VIPR2: variants seen among roughly 807,000 people sequenced by gnomAD.
VIPR2 encodes vasoactive intestinal peptide receptor 2.
Under a neutral mutation model 58.0 loss-of-function variants are expected in VIPR2, and 48 were observed. The observed-to-expected ratio is 0.83, with a 90% CI of 0.66 to 1.05. The LOEUF (loss-of-function observed/expected upper bound fraction) is 1.05. VIPR2 is among the 50% of genes least tolerant of loss of function. VIPR2 has a pLI of 0.00. For synonymous variants in VIPR2, 243 were observed against 235.2 expected, an observed-to-expected ratio of 1.03 and a Z score of -0.30; for missense variants, 534 against 558.0, an observed-to-expected ratio of 0.96 and a Z score of 0.43.
chr7:159,040,447 C>A lies in VIPR2; in HGVS notation c.597+2588G>T, dbSNP rs558199760. Among the ~76,000 whole-genome samples, 23 of 152,352 alleles carry A rather than the reference C, an allele frequency of 1.5e-4. 3 individuals are homozygous for A. The South Asian group carries it at 4.6e-3, about 30-fold the overall frequency. Reference sequence around the variant, plus strand: ...TGTGCTTCTGGGAGTCCCACAGACCCCGCAGGGGAACCTGCTGTGGCTGAT... The same window carrying A: ...TGTGCTTCTGGGAGTCCCACAGACCACGCAGGGGAACCTGCTGTGGCTGAT... On this transcript the variant is annotated intron_variant, in intron 6 of 12. Coordinates refer to ENST00000262178, the MANE Select transcript of VIPR2 (RefSeq NM_003382.5).
At chr7:159,070,851 A>G (rs1325365702) in intron 4 of VIPR2, among the ~76,000 whole-genome samples, 2 of 152,216 alleles carry the variant, frequency 1.3e-5, no homozygotes, top group Non-Finnish European at 2.9e-5. Flanking sequence ...AAATGCCTCC[A>G]TTAAGGTCTT....
At position 159,067,147 on chromosome 7, in the gene VIPR2, TC is replaced by T. The variant is rs1372073358; in HGVS notation, c.358-8570del. 7.9e-5 allele frequency among the ~76,000 whole-genome samples: 12 copies of T among 152,340 alleles called. No individual in the cohort carries two copies. The East Asian group carries it at 2.3e-3, about 29-fold the overall frequency. On this transcript the variant is annotated intron_variant, in intron 4 of 12. Coordinates refer to ENST00000262178, the MANE Select transcript of VIPR2 (RefSeq NM_003382.5). Reference sequence around the variant, plus strand: ...TCGACAAAGCTCAGATAAAGAACGTTCCCATCAGCGTAGACAGTTCTGTTGG... The same window carrying T: ...TCGACAAAGCTCAGATAAAGAACGTTCCATCAGCGTAGACAGTTCTGTTGG...
Position 159,103,808 on chromosome 7 carries a change from G to A in VIPR2, c.306C>T (p.Phe102=), listed in dbSNP as rs1858452167. The part of the protein sequence containing the change: ...NCTSDGWSET[F]PDFVDACGYS... ...AGCCACAGGCATCGACGAAATCTGGGAACGTCTCTGACCATCCGTCACTCG... is the reference window on the plus strand; with the variant it reads ...AGCCACAGGCATCGACGAAATCTGGAAACGTCTCTGACCATCCGTCACTCG... Residue 102 remains phenylalanine (F), a synonymous_variant, in exon 4 of 13, where the codon TTC becomes TTT. Transcript: ENST00000262178. The A allele has an allele frequency of 6.2e-7, 1 of 1,614,032 alleles. No homozygotes were observed. The highest frequency in any genetic ancestry group is 1.3e-5 in the African/African-American group (1 of 74,914).
chr7:159,032,083 T>A lies in VIPR2; in HGVS notation c.972-16A>T. ...GGCCAGCCTCCTGCACAGAAGGAGA[T>A]GAGCCAGCTCAGCTGCTGGACCCTC... is the stretch of plus-strand genomic sequence containing the variant. On this transcript the variant is annotated splice_polypyrimidine_tract_variant and intron_variant, in intron 10 of 12. Coordinates refer to ENST00000262178, the MANE Select transcript of VIPR2 (RefSeq NM_003382.5). The A allele has an allele frequency of 6.2e-7, 1 of 1,613,652 alleles. No homozygotes were observed. The highest frequency in any genetic ancestry group is 8.5e-7 in the Non-Finnish European group (1 of 1,179,964).
intron 2 of VIPR2, among the ~76,000 whole-genome samples, chr7:159,114,618 T>C (rs1035578872): frequency 6.6e-6 from 1 of 152,134 alleles, no homozygotes; most frequent in Non-Finnish European, 1.5e-5. Context: ...TGAGACTCCC[T>C]TAACATCACA....
chr7:159,125,448 G>A (rs573868506), intron 2 of VIPR2, among the ~76,000 whole-genome samples: 1 of 152,288 alleles, frequency 6.6e-6, no homozygotes, highest in East Asian at 1.9e-4. Flanking sequence ...ACCAGTGGGT[G>A]CCCAGGACTG....
intron 4 of VIPR2, among the ~76,000 whole-genome samples, chr7:159,066,665 G>C (rs1019909731): frequency 6.6e-6 from 1 of 152,228 alleles, no homozygotes; most frequent in Non-Finnish European, 1.5e-5. Context: ...TCCACTCCCT[G>C]CATCTTTGTG....
intron 6 of VIPR2, among the ~76,000 whole-genome samples, chr7:159,039,012 A>G (rs1323609141): frequency 6.6e-6 from 1 of 152,204 alleles, no homozygotes; most frequent in Non-Finnish European, 1.5e-5. Context: ...TGGAGTGTGC[A>G]TGAGAGCCAC....
intron 2 of VIPR2, among the ~76,000 whole-genome samples, chr7:159,121,514 G>A (rs6976981): frequency 0.016 from 2,507 of 152,276 alleles, 63 homozygotes; most frequent in African/African-American, 0.056. Context: ...TTAGGTACCC[G>A]TGCGTGGGAT....
chr7:159,091,793 G>A (rs997305050), intron 4 of VIPR2, among the ~76,000 whole-genome samples: 2 of 152,214 alleles, frequency 1.3e-5, no homozygotes, highest in Admixed American at 6.5e-5. Flanking sequence ...AGCTGGGCCT[G>A]GACCTGTCCT....
Position 159,109,669 on chromosome 7 carries a change from A to G in VIPR2, c.259+143T>C, listed in dbSNP as rs545578799. 18 of 741,278 alleles carry G rather than the reference A, an allele frequency of 2.4e-5. No homozygotes were observed. The East Asian group carries it at 2.9e-4, about 12-fold the overall frequency. The allele number at this position is 741,278 out of a possible 1,614,324, so 45.9% of individuals were successfully genotyped here. On this transcript the variant is annotated intron_variant, in intron 3 of 12. Coordinates refer to ENST00000262178, the MANE Select transcript of VIPR2 (RefSeq NM_003382.5). ...GCTCCCTAAGACGGGCACTCACCCC[A>G]ATATGCCACAGCTGTTCCCTGACCC...
At chr7:159,064,882 T>TG (rs914816939) in intron 4 of VIPR2, among the ~76,000 whole-genome samples, 14 of 152,136 alleles carry the variant, frequency 9.2e-5, no homozygotes, top group African/African-American at 2.7e-4. Context: ...CAGGCTTTGA[T>TG]GAAGTGTGGA....
intron 4 of VIPR2, among the ~76,000 whole-genome samples, chr7:159,101,333 C>T (rs1158282317): frequency 3.6e-5 from 5 of 139,662 alleles, no homozygotes; most frequent in African/African-American, 1.3e-4. Flanking sequence ...GAGGCGGTTC[C>T]CCTGACTGTT....
At chr7:159,123,515 A>G (rs1796545930) in intron 2 of VIPR2, among the ~76,000 whole-genome samples, 1 of 152,118 alleles carries the variant, frequency 6.6e-6, no homozygotes, top group Admixed American at 6.5e-5. Flanking sequence ...ATAGTATTCC[A>G]TGGTGTATAT....
rs190175957 is a variant in VIPR2 at position 159,130,703 on chromosome 7, G to A, written c.151+11743C>T. 1.0e-3 allele frequency among the ~76,000 whole-genome samples: 158 copies of A among 152,308 alleles called. 1 individual carries two copies. The highest frequency in any genetic ancestry group is 0.01 in the Admixed American group (156 of 15,296). On this transcript the variant is annotated intron_variant, in intron 2 of 12. Transcript: ENST00000262178. The stretch of plus-strand genomic sequence containing the variant: ...AACAACTCGGTCTCCCACATGGCGT[G>A]GCCGGCATCACGTCAATTAAATTCT...
Position 159,096,012 on chromosome 7 carries a change from C to T in VIPR2, c.357+7745G>A, listed in dbSNP as rs137923836. 4.0e-3 allele frequency among the ~76,000 whole-genome samples: 607 copies of T among 152,234 alleles called. 4 individuals are homozygous for T. The highest frequency in any genetic ancestry group is 7.4e-3 in the Admixed American group (113 of 15,296). ...GGGCTCCTGGCAACAAGCTGCAGGA[C>T]GCACACCTTCTCAGAACCAGCGCCC... On this transcript the variant is annotated intron_variant, in intron 4 of 12. Coordinates refer to ENST00000262178, the MANE Select transcript of VIPR2 (RefSeq NM_003382.5). The surrounding 1 kb of genome is among the most constrained non-coding windows in gnomAD (Gnocchi z 5.5).
chr7:159,065,148 G>A (rs553581513), intron 4 of VIPR2, among the ~76,000 whole-genome samples: 31 of 152,348 alleles, frequency 2.0e-4, no homozygotes, highest in African/African-American at 7.5e-4. Context: ...CCTGGGGAGT[G>A]GAAGATCTGA....
chr7:159,138,659 G>A (rs940360003), intron 2 of VIPR2, among the ~76,000 whole-genome samples: 3 of 152,210 alleles, frequency 2.0e-5, no homozygotes, highest in South Asian at 2.1e-4. Context: ...GCAAGATGCC[G>A]AGCACATGTG....
intron 2 of VIPR2, among the ~76,000 whole-genome samples, chr7:159,137,978 T>C (rs1043199818): frequency 6.6e-6 from 1 of 152,240 alleles, no homozygotes; most frequent in African/African-American, 2.4e-5. Flanking sequence ...CTGCCGTGGA[T>C]GCCAAAACTG....
Sources: gnomAD v4.1 joint callset for allele counts (sites outside exome capture counted in the v4.1 genomes callset) on GRCh38, gnomAD v4.1.1 for gene constraint, Gnocchi (gnomAD v3.1) non-coding constraint, MANE v1.5 for transcripts, NCBI Gene and HGNC (gene_info 2026-07-23, HGNC 2026-07-21) for gene names.